The following FHIT variants were observed in gnomAD, a reference collection of about 807,000 sequenced individuals.
The protein encoded by FHIT is bis(5'-adenosyl)-triphosphatase.
A neutral mutation model predicts 17.9 loss-of-function variants in FHIT; 19 were observed. That is an observed-to-expected ratio of 1.06 (90% CI 0.74 to 1.56). The LOEUF is 1.56. FHIT is among the 40% of genes most tolerant of loss of function. FHIT has a pLI of 0.00. For synonymous variants in FHIT, 81 were observed against 69.7 expected (o/e 1.16, Z -0.81); for missense variants, 248 against 189.2 (o/e 1.31, Z -1.82).
chr3:60,975,335 C>G (rs995286023), intron 3 of FHIT, among the ~76,000 whole-genome samples: 1 of 152,124 alleles, frequency 6.6e-6, no homozygotes, highest in African/African-American at 2.4e-5. Flanking sequence ...ACTGAAAAGC[C>G]ATGAGGCAGG....
At chr3:60,944,255 T>A (rs1346856904) in intron 3 of FHIT, among the ~76,000 whole-genome samples, 1 of 152,196 alleles carries the variant, frequency 6.6e-6, no homozygotes, top group Non-Finnish European at 1.5e-5. Flanking sequence ...TATGGTTTTA[T>A]TCCAATTAAT....
chr3:61,234,632 T>G lies in FHIT; in HGVS notation c.-213+16669A>C, dbSNP rs377141154. The stretch of plus-strand genomic sequence containing the variant: ...GCTATCATGAATGGGTGAAATGCAA[T>G]GTTATTTTATTTTTTGAGTATTTCT... On this transcript the variant is annotated intron_variant, in intron 1 of 9. Transcript: ENST00000492590. Among the ~76,000 whole-genome samples, 17 of 152,300 alleles carry G rather than the reference T, an allele frequency of 1.1e-4. No individual in the cohort carries two copies. The East Asian group carries it at 1.5e-3, about 14-fold the overall frequency.
At chr3:60,487,675 C>A in intron 5 of FHIT, among the ~76,000 whole-genome samples, 1 of 152,164 alleles carries the variant, frequency 6.6e-6, no homozygotes, top group East Asian at 1.9e-4. Flanking sequence ...AAGTTGCTAA[C>A]GCAGGGAAAT....
chr3:60,759,049 G>C (rs1417044119), intron 4 of FHIT, among the ~76,000 whole-genome samples: 1 of 152,138 alleles, frequency 6.6e-6, no homozygotes, highest in Non-Finnish European at 1.5e-5. Flanking sequence ...TGGCACTTTT[G>C]AGTACCAGTA....
intron 4 of FHIT, among the ~76,000 whole-genome samples, chr3:60,725,552 T>C (rs1214035197): frequency 6.6e-6 from 1 of 152,206 alleles, no homozygotes; most frequent in Non-Finnish European, 1.5e-5. Context: ...CAAGACATAG[T>C]TTCAGGTAAT....
At chr3:61,000,468 C>T (rs979907331) in intron 3 of FHIT, among the ~76,000 whole-genome samples, 3 of 152,164 alleles carry the variant, frequency 2.0e-5, no homozygotes, top group African/African-American at 7.2e-5. Flanking sequence ...ATAACATCTC[C>T]AGGAAAATCA....
chr3:60,627,681 A>C (rs1553681351), intron 4 of FHIT, among the ~76,000 whole-genome samples: 1 of 151,800 alleles, frequency 6.6e-6, no homozygotes, highest in African/African-American at 2.4e-5. Context: ...GTGCCACCAC[A>C]CCCGGCTAAT....
chr3:61,218,273 T>C (rs567155877), intron 1 of FHIT, among the ~76,000 whole-genome samples: 5 of 152,156 alleles, frequency 3.3e-5, no homozygotes, highest in African/African-American at 1.2e-4. Context: ...GAGAGAACAG[T>C]TGCCAGAGAA....
At chr3:60,122,477 G>T (rs1265972194) in intron 5 of FHIT, among the ~76,000 whole-genome samples, 2 of 152,152 alleles carry the variant, frequency 1.3e-5, no homozygotes, top group Non-Finnish European at 2.9e-5. Flanking sequence ...GAACGTCTTG[G>T]AACTCGAACA....
intron 5 of FHIT, among the ~76,000 whole-genome samples, chr3:60,433,441 A>G (rs2029915690): frequency 6.6e-6 from 1 of 152,132 alleles, no homozygotes; most frequent in African/African-American, 2.4e-5. Context: ...CAGAAGTGGT[A>G]TTGCTAGATC....
intron 5 of FHIT, among the ~76,000 whole-genome samples, chr3:60,161,211 C>G (rs112975609): frequency 6.6e-6 from 1 of 152,184 alleles, no homozygotes; most frequent in Admixed American, 6.5e-5. Context: ...GGTGGCAAAT[C>G]GGTAGCATTG....
At position 60,945,179 on chromosome 3, in the gene FHIT, G is replaced by T. The variant is rs1368181815; in HGVS notation, c.-111+96868C>A. 2.6e-5 allele frequency among the ~76,000 whole-genome samples: 4 copies of T among 152,036 alleles called. No individual in the cohort carries two copies. In the East Asian group the frequency reaches 5.8e-4, roughly 22 times the overall value. ...CACCTAAGTGCAACAGGAGGCAAAG[G>T]CATACAAATATCTCGGGGAGAAGAT... On this transcript the variant is annotated intron_variant, in intron 3 of 9. Transcript: ENST00000492590.
intron 3 of FHIT, among the ~76,000 whole-genome samples, chr3:60,995,276 T>C (rs1025770130): frequency 1.3e-5 from 2 of 152,066 alleles, no homozygotes; most frequent in Admixed American, 6.5e-5. Flanking sequence ...GCCGAGATCG[T>C]GCCACTGCAC....
At chr3:59,878,802 G>T (rs1482464427) in intron 8 of FHIT, among the ~76,000 whole-genome samples, 2 of 152,170 alleles carry the variant, frequency 1.3e-5, no homozygotes, top group Non-Finnish European at 2.9e-5. Flanking sequence ...GAAAGGGTTT[G>T]AGAGCAAGTT....
chr3:59,963,270 A>AAATAAT (rs200969859), intron 7 of FHIT, among the ~76,000 whole-genome samples: 6,722 of 150,376 alleles, frequency 0.045, 223 homozygotes, highest in Admixed American at 0.098. Flanking sequence ...CCATCTCAAA[A>AAATAAT]AATAATAATA....
intron 3 of FHIT, among the ~76,000 whole-genome samples, chr3:60,925,175 A>C (rs1240928077): frequency 2.0e-5 from 3 of 152,154 alleles, no homozygotes; most frequent in African/African-American, 4.8e-5. Flanking sequence ...TCTAGCAAGG[A>C]CGGCCAACAT....
At chr3:60,654,208 C>T (rs377257206) in intron 4 of FHIT, among the ~76,000 whole-genome samples, 52 of 152,100 alleles carry the variant, frequency 3.4e-4, no homozygotes, top group African/African-American at 1.2e-3. Flanking sequence ...AACCATGAGC[C>T]AATTAAACCT....
intron 5 of FHIT, among the ~76,000 whole-genome samples, chr3:60,343,604 A>G (rs938217464): frequency 2.7e-4 from 41 of 152,192 alleles, no homozygotes; most frequent in African/African-American, 9.6e-4. Flanking sequence ...ACGCTTTGCC[A>G]TCATGCCCTT....
chr3:59,756,332 C>A (rs528184863), intron 8 of FHIT, among the ~76,000 whole-genome samples: 2 of 152,152 alleles, frequency 1.3e-5, no homozygotes, highest in South Asian at 4.2e-4. Context: ...CTAAAGTGAC[C>A]CTCACTAATC....
Sources: allele counts gnomAD v4.1 joint callset (sites outside exome capture counted in the v4.1 genomes callset), GRCh38; gene constraint gnomAD v4.1.1; transcripts MANE v1.5; gene names NCBI Gene and HGNC (gene_info 2026-07-23, HGNC 2026-07-21).